Variants in JAKMIP2 observed in about 807,000 individuals in gnomAD.
The protein encoded by JAKMIP2 is janus kinase and microtubule interacting protein 2.
A neutral mutation model predicts 115.0 loss-of-function variants in JAKMIP2; 25 were observed. That is an observed-to-expected ratio of 0.22 (90% confidence interval 0.16 to 0.30). The LOEUF (loss-of-function observed/expected upper bound fraction) is 0.30, where lower values mean the gene tolerates loss of function less well. Among genes scored for constraint, JAKMIP2 ranks in the 10% least tolerant of loss-of-function variants. The pLI is 1.00. For synonymous variants in JAKMIP2, 334 were observed against 343.6 expected (o/e 0.97, Z 0.31); for missense variants, 642 against 957.6 (o/e 0.67, Z 4.35).
chr5:147,629,673 T>C lies in JAKMIP2; in HGVS notation c.1929+20A>G, dbSNP rs776283874. 1 of 1,594,526 alleles carries C rather than the reference T, an allele frequency of 6.3e-7. No homozygotes were observed. The highest frequency in any genetic ancestry group is 1.7e-5 in the Admixed American group (1 of 59,918). On this transcript the variant is annotated intron_variant, in intron 15 of 21. Coordinates refer to ENST00000616793, the MANE Select transcript of JAKMIP2 (RefSeq NM_001270941.2). ...TGTTTAGGCAAATTCATATCTATAC[T>C]AAATCAATTCTTTACTTACCCCATT... is the stretch of plus-strand genomic sequence containing the variant.
intron 1 of JAKMIP2, among the ~76,000 whole-genome samples, chr5:147,751,164 C>T (rs920878104): frequency 2.6e-5 from 4 of 151,930 alleles, no homozygotes; most frequent in Admixed American, 6.6e-5. Flanking sequence ...CTCCGCCTAC[C>T]GGATTCAAGT....
At chr5:147,596,111 A>G (rs1696960509) in intron 21 of JAKMIP2, among the ~76,000 whole-genome samples, 1 of 152,134 alleles carries the variant, frequency 6.6e-6, no homozygotes, top group Admixed American at 6.6e-5. Context: ...TCATTAAGGG[A>G]AACTGGAGCA....
At chr5:147,633,834 T>G (rs1757482232) in intron 12 of JAKMIP2, among the ~76,000 whole-genome samples, 1 of 118,954 alleles carries the variant, frequency 8.4e-6, no homozygotes, top group African/African-American at 2.6e-5. Context: ...GGACTACAGG[T>G]GCCTGCCACC....
At chr5:147,627,680 A>AC (rs1223939094) in intron 16 of JAKMIP2, among the ~76,000 whole-genome samples, 1 of 133,194 alleles carries the variant, frequency 7.5e-6, no homozygotes, top group African/African-American at 3.4e-5. Flanking sequence ...CCTTTCTGTA[A>AC]AAAAAAAAAA....
intron 20 of JAKMIP2, among the ~76,000 whole-genome samples, chr5:147,607,139 T>C (rs1241694003): frequency 1.3e-5 from 2 of 152,208 alleles, no homozygotes; most frequent in Non-Finnish European, 2.9e-5. Context: ...TTTGACTTCC[T>C]CTCTTCCTAT....
At position 147,671,959 on chromosome 5, in the gene JAKMIP2, G is replaced by A. The variant is rs1486753675; in HGVS notation, c.-148-5C>T. The A allele has an allele frequency of 7.7e-7, 1 of 1,296,696 alleles. No individual in the cohort carries two copies. Among genetic ancestry groups the A allele is most frequent in the Non-Finnish European group, 9.8e-7 (1 of 1,018,796 alleles). The allele number at this position is 1,296,696 out of a possible 1,614,324, so 80.3% of individuals were successfully genotyped here. ...TCAATCGCTGCCCTGGAAGCCCTGA[G>A]AAGAGGCAGAGATAGTAGTTATTGT... On this transcript the variant is annotated splice_polypyrimidine_tract_variant and splice_region_variant and intron_variant, in intron 1 of 21. Transcript: ENST00000616793.
intron 1 of JAKMIP2, among the ~76,000 whole-genome samples, chr5:147,694,744 A>T (rs58854348): frequency 0.28 from 42,095 of 152,122 alleles, 6,792 homozygotes; most frequent in East Asian, 0.5. Context: ...TTTGCTGTTG[A>T]ATAGCCAGAA....
At chr5:147,682,128 A>G (rs1368868778) in intron 1 of JAKMIP2, among the ~76,000 whole-genome samples, 2 of 152,160 alleles carry the variant, frequency 1.3e-5, no homozygotes, top group Admixed American at 1.3e-4. Flanking sequence ...GCAAAGGGTT[A>G]TGGTGGGAAA....
At chr5:147,755,802 T>C (rs1403759332) in intron 1 of JAKMIP2, among the ~76,000 whole-genome samples, 4 of 152,118 alleles carry the variant, frequency 2.6e-5, no homozygotes, top group African/African-American at 9.7e-5. Context: ...TATTGGTCCA[T>C]GCCAATGACC....
In JAKMIP2 at chr5:147,607,827, A is replaced by C. The variant is rs763094736; in HGVS notation, c.2412+4479T>G. On this transcript the variant is annotated intron_variant, in intron 20 of 21. Transcript: ENST00000616793. Reference sequence around the variant, plus strand: ...CCTGGGCTTTTTTTGGTTGGTAGGCAATTAATTACTGCCTCTATTTCAGAA... The same window carrying C: ...CCTGGGCTTTTTTTGGTTGGTAGGCCATTAATTACTGCCTCTATTTCAGAA... 3.4e-4 allele frequency among the ~76,000 whole-genome samples: 52 copies of C among 152,056 alleles called. 1 individual carries two copies. Among genetic ancestry groups the C allele is most frequent in the Non-Finnish European group, 6.6e-4 (45 of 68,000 alleles).
At chr5:147,743,748 T>A (rs1754236510) in intron 1 of JAKMIP2, among the ~76,000 whole-genome samples, 1 of 152,180 alleles carries the variant, frequency 6.6e-6, no homozygotes, top group South Asian at 2.1e-4. Context: ...TGGCTCTGGT[T>A]TCCTTGTGAA....
intron 20 of JAKMIP2, among the ~76,000 whole-genome samples, chr5:147,610,576 C>T (rs576475257): frequency 4.6e-5 from 7 of 152,160 alleles, no homozygotes; most frequent in South Asian, 2.1e-4. Flanking sequence ...GAAGGGCACA[C>T]GTCAGATGCC....
At position 147,636,204 on chromosome 5, in the gene JAKMIP2, G is replaced by T. The variant is rs201225462; in HGVS notation, c.1677+18C>A. The T allele has an allele frequency of 2.0e-5, 32 of 1,601,730 alleles. No homozygotes were observed. The highest frequency in any genetic ancestry group is 2.6e-5 in the Non-Finnish European group (30 of 1,168,898). ...TGATTTTCTCCTCTGCCCCGCTAGG[G>T]TGTTGTGCCCAACATACCTTTTCTA... On this transcript the variant is annotated intron_variant, in intron 12 of 21. Coordinates refer to ENST00000616793, the MANE Select transcript of JAKMIP2 (RefSeq NM_001270941.2).
At chr5:147,769,304 T>A (rs756995463) in intron 1 of JAKMIP2, among the ~76,000 whole-genome samples, 7 of 152,056 alleles carry the variant, frequency 4.6e-5, no homozygotes, top group Non-Finnish European at 7.4e-5. Flanking sequence ...AAGATTTCAT[T>A]TCATCTAAAC....
At chr5:147,609,670 C>T (rs1424954159) in intron 20 of JAKMIP2, among the ~76,000 whole-genome samples, 1 of 152,100 alleles carries the variant, frequency 6.6e-6, no homozygotes, top group African/African-American at 2.4e-5. Context: ...CTGCTCTTCT[C>T]GAGGAGTATC....
chr5:147,672,094 C>A, intron 1 of JAKMIP2, 140 bp from the exon 2 acceptor site: 1 of 362,918 alleles, frequency 2.8e-6, no homozygotes, highest in Non-Finnish European at 4.2e-6. Context: ...TCCACTTGTA[C>A]GTGAGTTTAG....
chr5:147,646,775 C>T (rs1031767214), intron 5 of JAKMIP2, among the ~76,000 whole-genome samples: 4 of 148,882 alleles, frequency 2.7e-5, no homozygotes, highest in Non-Finnish European at 4.5e-5. Context: ...GAAGTATTAC[C>T]AGAGGAAAAA....
At chr5:147,729,723 G>A (rs1402275603) in intron 1 of JAKMIP2, among the ~76,000 whole-genome samples, 1 of 150,296 alleles carries the variant, frequency 6.7e-6, no homozygotes, top group Non-Finnish European at 1.5e-5. Flanking sequence ...GCAGTGAGCC[G>A]AGATCGCGCC....
chr5:147,618,790 A>G (rs1223469200), intron 18 of JAKMIP2, among the ~76,000 whole-genome samples: 4 of 152,152 alleles, frequency 2.6e-5, no homozygotes, highest in Non-Finnish European at 1.5e-5. Context: ...ACAGCTCTTC[A>G]TACATTTAAA....
Sources: allele counts gnomAD v4.1 joint callset (sites outside exome capture counted in the v4.1 genomes callset), GRCh38; gene constraint gnomAD v4.1.1; transcripts MANE v1.5; gene names NCBI Gene and HGNC (gene_info 2026-07-23, HGNC 2026-07-21).